The following EPHA6 variants were observed in gnomAD, a reference collection of about 807,000 sequenced individuals.
EPHA6 encodes EPH receptor A6.
EPHA6 carries 50 observed loss-of-function variants against 112.0 expected under a neutral mutation model. The observed-to-expected ratio is 0.45, with a 90% CI of 0.36 to 0.56. The LOEUF is 0.56. EPHA6 is among the 20% of genes least tolerant of loss of function. EPHA6 has a pLI of 0.00. For missense variants in EPHA6, 1,280 were observed against 1,417.4 expected, an observed-to-expected ratio of 0.90 and a Z score of 1.56; for synonymous variants, 529 against 490.7, an observed-to-expected ratio of 1.08 and a Z score of -1.03.
chr3:97,179,647 G>A (rs1049428615), intron 3 of EPHA6, among the ~76,000 whole-genome samples: 2 of 151,542 alleles, frequency 1.3e-5, no homozygotes, highest in Admixed American at 6.6e-5. Flanking sequence ...CTTGGACAAG[G>A]TCCAGGAGAA....
At chr3:96,928,362 C>T (rs1195897202) in intron 2 of EPHA6, among the ~76,000 whole-genome samples, 2 of 152,078 alleles carry the variant, frequency 1.3e-5, no homozygotes, top group Non-Finnish European at 2.9e-5. Context: ...TTGATTTTTG[C>T]GTTAATTTCA....
At chr3:97,189,051 G>T (rs185836164) in intron 3 of EPHA6, among the ~76,000 whole-genome samples, 6 of 151,938 alleles carry the variant, frequency 3.9e-5, no homozygotes, top group Non-Finnish European at 7.4e-5. Context: ...GCTCAGCAAT[G>T]GTGATAGTTA....
chr3:96,915,191 T>TA (rs2039425853), intron 2 of EPHA6, among the ~76,000 whole-genome samples: 1 of 151,732 alleles, frequency 6.6e-6, no homozygotes, highest in Non-Finnish European at 1.5e-5. Context: ...AAAGAACATT[T>TA]AAAATCCAAT....
intron 5 of EPHA6, among the ~76,000 whole-genome samples, chr3:97,403,681 C>T (rs1437053994): frequency 1.3e-5 from 2 of 152,160 alleles, no homozygotes; most frequent in African/African-American, 2.4e-5. Context: ...CTCCTGACCT[C>T]GTGATCTGCC....
chr3:97,315,792 T>G (rs1018922707), intron 5 of EPHA6, among the ~76,000 whole-genome samples: 1 of 151,826 alleles, frequency 6.6e-6, no homozygotes, highest in Non-Finnish European at 1.5e-5. Flanking sequence ...TTCACAGATT[T>G]GGAAACTGAG....
chr3:97,566,167 G>A (rs1231371203), intron 11 of EPHA6, among the ~76,000 whole-genome samples: 1 of 152,188 alleles, frequency 6.6e-6, no homozygotes, highest in East Asian at 1.9e-4. Context: ...TGTGGCAAGA[G>A]TGGTAGCAAC....
intron 13 of EPHA6, among the ~76,000 whole-genome samples, chr3:97,616,440 A>C (rs531586263): frequency 3.3e-5 from 5 of 152,270 alleles, no homozygotes; most frequent in African/African-American, 1.2e-4. Context: ...GATGGCTGAG[A>C]CGACAGAAGT....
In EPHA6 at chr3:96,940,638, A is replaced by G. The variant is rs779025927; in HGVS notation, c.451-46692A>G. 3.3e-4 allele frequency among the ~76,000 whole-genome samples: 50 copies of G among 152,288 alleles called. 1 individual carries two copies. Among genetic ancestry groups the G allele is most frequent in the South Asian group, 1.4e-3 (7 of 4,832 alleles). On this transcript the variant is annotated intron_variant, in intron 2 of 17. Transcript: ENST00000389672. Reference sequence around the variant, plus strand: ...TGTTATGTGTGAATTTGATCCTGTCATTATGATGTTAGCTGGTTATTTTGT... The same window carrying G: ...TGTTATGTGTGAATTTGATCCTGTCGTTATGATGTTAGCTGGTTATTTTGT...
At chr3:97,359,870 A>G (rs1289745423) in intron 5 of EPHA6, among the ~76,000 whole-genome samples, 1 of 152,078 alleles carries the variant, frequency 6.6e-6, no homozygotes, top group Non-Finnish European at 1.5e-5. Flanking sequence ...GCCTTTCTCT[A>G]AGCATGTGTG....
chr3:97,444,087 A>G (rs1211947552), intron 6 of EPHA6, among the ~76,000 whole-genome samples: 2 of 152,186 alleles, frequency 1.3e-5, no homozygotes, highest in Admixed American at 1.3e-4. Flanking sequence ...TATGAAGATT[A>G]GATTTTAGAT....
chr3:97,603,703 A>C (rs2093659613), intron 12 of EPHA6, among the ~76,000 whole-genome samples: 1 of 151,932 alleles, frequency 6.6e-6, no homozygotes, highest in African/African-American at 2.4e-5. Context: ...TACTTTTAGC[A>C]GATGTTATTG....
chr3:96,932,694 G>A (rs910162282), intron 2 of EPHA6, among the ~76,000 whole-genome samples: 9 of 152,102 alleles, frequency 5.9e-5, no homozygotes, highest in Non-Finnish European at 1.2e-4. Flanking sequence ...TTGGAAAGCC[G>A]GAGAGTTAGC....
chr3:97,255,943 T>A (rs2079295881), intron 5 of EPHA6, among the ~76,000 whole-genome samples: 1 of 152,158 alleles, frequency 6.6e-6, no homozygotes, highest in Admixed American at 6.5e-5. Flanking sequence ...ATACACTTAA[T>A]ATAATTTTTG....
chr3:97,634,309 C>G (rs1409203739), intron 13 of EPHA6, among the ~76,000 whole-genome samples: 1 of 151,654 alleles, frequency 6.6e-6, no homozygotes, highest in East Asian at 1.9e-4. Flanking sequence ...TATTTTTCTC[C>G]TATAATAATG....
intron 5 of EPHA6, among the ~76,000 whole-genome samples, chr3:97,392,812 C>T (rs1307020807): frequency 1.3e-5 from 2 of 151,456 alleles, no homozygotes; most frequent in African/African-American, 4.8e-5. Flanking sequence ...TTTAAAATAG[C>T]TTTTCAATTA....
Position 97,592,726 on chromosome 3 carries a change from G to A in EPHA6, c.2501G>A (p.Arg834Lys). The A allele has an allele frequency of 6.3e-7, 1 of 1,593,754 alleles. No homozygotes were observed. Among genetic ancestry groups the A allele is most frequent in the South Asian group, 1.1e-5 (1 of 87,786 alleles). Residue 834 changes from arginine to lysine, a missense_variant, in exon 12 of 18, where the codon AGG (arginine) becomes AAG (lysine). Arg to Lys is a conservative substitution (Grantham distance 26). Coordinates refer to ENST00000389672, the MANE Select transcript of EPHA6 (RefSeq NM_001080448.3). ...CCAGGGGGAGGATCTTTGCCCCCCA[G>A]GATTCCTGCTGGTAGGTATTTCAGG... ...PVPGGGSLPP[R>K]IPAGRPVMIV...
chr3:97,027,614 A>G (rs2044687286), intron 3 of EPHA6, among the ~76,000 whole-genome samples: 1 of 152,206 alleles, frequency 6.6e-6, no homozygotes, highest in African/African-American at 2.4e-5. Flanking sequence ...ATTGGCATGA[A>G]TAGACATTAA....
intron 2 of EPHA6, among the ~76,000 whole-genome samples, chr3:96,962,745 G>T (rs2107756188): frequency 6.6e-6 from 1 of 151,564 alleles, no homozygotes; most frequent in African/African-American, 2.4e-5. Flanking sequence ...TACCATACTT[G>T]TTTATTCACC....
intron 5 of EPHA6, among the ~76,000 whole-genome samples, chr3:97,383,529 A>G (rs1248851139): frequency 3.3e-5 from 5 of 152,082 alleles, no homozygotes; most frequent in African/African-American, 1.2e-4. Context: ...TGAAATTTTT[A>G]TGTCTATTCA....
Sources: allele counts gnomAD v4.1 joint callset (sites outside exome capture counted in the v4.1 genomes callset), GRCh38; gene constraint gnomAD v4.1.1; transcripts MANE v1.5; gene names NCBI Gene and HGNC (gene_info 2026-07-23, HGNC 2026-07-21).